KIFAP3: variants seen among roughly 807,000 people sequenced by gnomAD.
KIFAP3 encodes kinesin associated protein 3.
A neutral mutation model predicts 106.5 loss-of-function variants in KIFAP3; 68 were observed. That is an observed-to-expected ratio of 0.64 (90% CI 0.53 to 0.78). KIFAP3 has a LOEUF of 0.78. Ranked by LOEUF, KIFAP3 falls within the 30% of genes least tolerant of loss-of-function variation. The pLI is 0.00. For synonymous variants in KIFAP3, 320 were observed against 311.5 expected (o/e 1.03, Z -0.29); for missense variants, 780 against 941.8 (o/e 0.83, Z 2.25).
At chr1:170,019,224 C>G (rs1668680262) in intron 9 of KIFAP3, among the ~76,000 whole-genome samples, 1 of 152,056 alleles carries the variant, frequency 6.6e-6, no homozygotes, top group Admixed American at 6.6e-5. Flanking sequence ...GCCTACATGA[C>G]TTTTTACTGG....
At chr1:169,938,349 T>C (rs1663921480) in intron 19 of KIFAP3, among the ~76,000 whole-genome samples, 1 of 151,998 alleles carries the variant, frequency 6.6e-6, no homozygotes, top group African/African-American at 2.4e-5. Flanking sequence ...CCATATAGCA[T>C]AGGCTCCTAT....
In KIFAP3 at chr1:170,025,870, C is replaced by T. The variant is rs752788507; in HGVS notation, c.842-1274G>A. Among the ~76,000 whole-genome samples the T allele has an allele frequency of 1.1e-4, 16 of 152,220 alleles. No homozygotes were observed. In the Middle Eastern group the frequency reaches 0.02, roughly 194 times the overall value. ...TCTTTACAGCCAAGATAGAGGTAGC[C>T]GGTTGAATACTGTCCTTCTAAAATT... is the stretch of plus-strand genomic sequence containing the variant. On this transcript the variant is annotated intron_variant, in intron 8 of 19. Coordinates refer to ENST00000361580, the MANE Select transcript of KIFAP3 (RefSeq NM_014970.4).
intron 19 of KIFAP3, among the ~76,000 whole-genome samples, chr1:169,938,116 T>C (rs143243271): frequency 6.6e-6 from 1 of 152,102 alleles, no homozygotes; most frequent in African/African-American, 2.4e-5. Context: ...TATTGGGACA[T>C]TATAAGAGTT....
At position 170,074,690 on chromosome 1, in the gene KIFAP3, T is replaced by G; in HGVS notation, c.-223A>C. 1 of 1,412,782 alleles carries G rather than the reference T, an allele frequency of 7.1e-7. No individual in the cohort carries two copies. The highest frequency in any genetic ancestry group is 9.2e-7 in the Non-Finnish European group (1 of 1,083,012). 87.5% of individuals were successfully genotyped at this position (1,412,782 alleles called of 1,614,324 possible). On this transcript the variant is annotated 5_prime_UTR_variant, in exon 1 of 20. Coordinates refer to ENST00000361580, the MANE Select transcript of KIFAP3 (RefSeq NM_014970.4). ...TGGAGCGGCCCAGACCCGCCCAGAG[T>G]CGCCTAAGCCGGGCCGTCACGACGC...
intron 17 of KIFAP3, among the ~76,000 whole-genome samples, chr1:169,969,580 T>C (rs886707402): frequency 6.6e-6 from 1 of 152,002 alleles, no homozygotes; most frequent in Non-Finnish European, 1.5e-5. Flanking sequence ...CCCATGATCA[T>C]AATTAAGAGT....
At chr1:169,991,321 G>C (rs1667092866) in intron 11 of KIFAP3, among the ~76,000 whole-genome samples, 1 of 146,602 alleles carries the variant, frequency 6.8e-6, no homozygotes, top group South Asian at 2.2e-4. Context: ...ACTTTAGCCT[G>C]GGCAACAGAG....
At chr1:169,996,783 G>A (rs1667391722) in intron 10 of KIFAP3, among the ~76,000 whole-genome samples, 1 of 148,734 alleles carries the variant, frequency 6.7e-6, no homozygotes, top group Non-Finnish European at 1.5e-5. Flanking sequence ...GCTGGACCTG[G>A]GACTCATGGG....
chr1:170,069,537 C>T (rs1360988608), intron 1 of KIFAP3, among the ~76,000 whole-genome samples: 1 of 151,892 alleles, frequency 6.6e-6, no homozygotes. Flanking sequence ...TACAATACAC[C>T]ACATTAATGG....
At chr1:169,935,372 C>A (rs1663732573) in intron 19 of KIFAP3, among the ~76,000 whole-genome samples, 1 of 151,990 alleles carries the variant, frequency 6.6e-6, no homozygotes, top group African/African-American at 2.4e-5. Flanking sequence ...CTACACAAAT[C>A]TGGATTCCTT....
chr1:169,992,748 C>T (rs905451828), intron 10 of KIFAP3, among the ~76,000 whole-genome samples: 4 of 151,970 alleles, frequency 2.6e-5, no homozygotes, highest in South Asian at 2.1e-4. Flanking sequence ...ATGCTATAGG[C>T]TATAACACAG....
chr1:170,039,137 C>T (rs1380619100), intron 4 of KIFAP3, 96 bp downstream of exon 4: 1 of 586,472 alleles, frequency 1.7e-6, no homozygotes, highest in Middle Eastern at 3.0e-4. Flanking sequence ...TTTAAAAATA[C>T]CACATGTGCT....
chr1:169,944,083 G>A (rs1184342843), intron 19 of KIFAP3, among the ~76,000 whole-genome samples: 2 of 152,156 alleles, frequency 1.3e-5, no homozygotes, highest in African/African-American at 2.4e-5. Flanking sequence ...GTTTGCGCCC[G>A]CTGGGCTCGT....
intron 1 of KIFAP3, among the ~76,000 whole-genome samples, chr1:170,058,160 T>A (rs1441855270): frequency 1.3e-5 from 2 of 152,202 alleles, no homozygotes; most frequent in Non-Finnish European, 2.9e-5. Flanking sequence ...AGATAATAAA[T>A]GCTGATGAAC....
At chr1:169,976,503 A>G (rs1475631766) in intron 16 of KIFAP3, among the ~76,000 whole-genome samples, 1 of 152,128 alleles carries the variant, frequency 6.6e-6, no homozygotes, top group Non-Finnish European at 1.5e-5. Flanking sequence ...AATTTATTCC[A>G]ATTATTTTAA....
intron 17 of KIFAP3, among the ~76,000 whole-genome samples, chr1:169,967,293 C>A (rs993513088): frequency 6.6e-5 from 10 of 151,812 alleles, no homozygotes; most frequent in Non-Finnish European, 1.3e-4. Context: ...ATATCCCCCT[C>A]CTGGACAAAA....
intron 19 of KIFAP3, among the ~76,000 whole-genome samples, chr1:169,929,008 A>C (rs768920003): frequency 1.3e-5 from 2 of 152,182 alleles, no homozygotes; most frequent in Non-Finnish European, 2.9e-5. Context: ...GGTTGAACGA[A>C]ATAACGAGTA....
intron 1 of KIFAP3, among the ~76,000 whole-genome samples, chr1:170,060,884 A>G (rs1671113364): frequency 6.6e-6 from 1 of 152,214 alleles, no homozygotes; most frequent in South Asian, 2.1e-4. Flanking sequence ...CATCTTTGAC[A>G]AATCTGACAA....
At chr1:169,995,751 A>C (rs973204399) in intron 10 of KIFAP3, among the ~76,000 whole-genome samples, 2 of 152,142 alleles carry the variant, frequency 1.3e-5, no homozygotes, top group South Asian at 4.1e-4. Context: ...CACATCATTC[A>C]GGTAAGGTGA....
In KIFAP3 at chr1:169,936,613, C is replaced by T. The variant is rs922136892; in HGVS notation, c.2274-14832G>A. ...AGCTTAGAGTGCTATAAAATCTGAACCTACTTACTTTTTTTCTAAGAAAAT... is the reference window on the plus strand; with the variant it reads ...AGCTTAGAGTGCTATAAAATCTGAATCTACTTACTTTTTTTCTAAGAAAAT... On this transcript the variant is annotated intron_variant, in intron 19 of 19. Coordinates refer to ENST00000361580, the MANE Select transcript of KIFAP3 (RefSeq NM_014970.4). Among the ~76,000 whole-genome samples, 28 of 151,744 alleles carry T rather than the reference C, an allele frequency of 1.8e-4. 1 individual carries two copies. Among genetic ancestry groups the T allele is most frequent in the Non-Finnish European group, 1.6e-4 (11 of 67,662 alleles).
Sources: gnomAD v4.1 joint callset for allele counts (sites outside exome capture counted in the v4.1 genomes callset) on GRCh38, gnomAD v4.1.1 for gene constraint, MANE v1.5 for transcripts, NCBI Gene and HGNC (gene_info 2026-07-23, HGNC 2026-07-21) for gene names.